Variants in EYA4 observed in about 807,000 individuals in gnomAD.
EYA4 encodes the protein protein phosphatase EYA4.
Under a neutral mutation model 87.9 loss-of-function variants are expected in EYA4, and 31 were observed. The ratio of observed to expected loss-of-function variants is 0.35; its 90% CI spans 0.27 to 0.48. The LOEUF is 0.48. Among genes scored for constraint, EYA4 ranks in the 20% least tolerant of loss-of-function variants. The pLI, the probability that EYA4 is intolerant of heterozygous loss-of-function variation, is 0.99. For synonymous variants in EYA4, 263 were observed against 270.6 expected (o/e 0.97, Z 0.28); for missense variants, 678 against 761.4 (o/e 0.89, Z 1.29).
intron 2 of EYA4, among the ~76,000 whole-genome samples, chr6:133,380,645 A>G (rs1367031080): frequency 6.6e-6 from 1 of 152,188 alleles, no homozygotes; most frequent in East Asian, 1.9e-4. Context: ...GTGATAAATC[A>G]TAGGCAAGAA....
intron 3 of EYA4, among the ~76,000 whole-genome samples, chr6:133,441,115 T>C (rs900774684): frequency 6.6e-6 from 1 of 152,164 alleles, no homozygotes; most frequent in Non-Finnish European, 1.5e-5. Context: ...CTCTTTCTCC[T>C]GTTTTTTTGA....
intron 6 of EYA4, 101 bp downstream of exon 6, chr6:133,456,749 T>A (rs1224197964): frequency 1.3e-6 from 1 of 761,416 alleles, no homozygotes; most frequent in African/African-American, 1.7e-5. Context: ...CTTAGAACTT[T>A]GATCCTTATA....
At chr6:133,390,394 G>C (rs1303330977) in intron 3 of EYA4, among the ~76,000 whole-genome samples, 1 of 152,004 alleles carries the variant, frequency 6.6e-6, no homozygotes, top group Non-Finnish European at 1.5e-5. Context: ...CCTACTTTTT[G>C]TATCTTTAGT....
At chr6:133,395,539 T>C (rs1787709968) in intron 3 of EYA4, among the ~76,000 whole-genome samples, 1 of 152,114 alleles carries the variant, frequency 6.6e-6, no homozygotes, top group Non-Finnish European at 1.5e-5. Flanking sequence ...GCAGGCAGAT[T>C]ATTTGAATTC....
chr6:133,285,478 T>C (rs1777980534), intron 2 of EYA4, among the ~76,000 whole-genome samples: 1 of 152,134 alleles, frequency 6.6e-6, no homozygotes, highest in Non-Finnish European at 1.5e-5. Flanking sequence ...GAAATAAGGC[T>C]GCAAAGGTAA....
chr6:133,466,290 A>G (rs910080084), intron 10 of EYA4, among the ~76,000 whole-genome samples: 8 of 152,192 alleles, frequency 5.3e-5, no homozygotes, highest in Non-Finnish European at 1.0e-4. Flanking sequence ...TTATTTGAAA[A>G]GAGTTAATCA....
At chr6:133,274,625 T>C in intron 1 of EYA4, 91 bp from the exon 2 acceptor site, 1 of 669,804 alleles carries the variant, frequency 1.5e-6, no homozygotes, top group Non-Finnish European at 2.7e-6. Context: ...AAGTTACTAA[T>C]TACCATGCTA....
chr6:133,377,745 G>A (rs1009322577), intron 2 of EYA4, among the ~76,000 whole-genome samples: 18 of 151,906 alleles, frequency 1.2e-4, no homozygotes, highest in African/African-American at 2.9e-4. Flanking sequence ...TTTAATGACT[G>A]ATGTATTATA....
At position 133,342,605 on chromosome 6, in the gene EYA4, A is replaced by ATATATATATATATC. The variant is rs1485897156; in HGVS notation, c.34-39787_34-39786insTATATATATATATC. Among the ~76,000 whole-genome samples the ATATATATATATATC allele has an allele frequency of 3.5e-3, 457 of 130,394 alleles. 21 individuals are homozygous for ATATATATATATATC. The highest frequency in any genetic ancestry group is 0.014 in the African/African-American group (421 of 30,498). The allele number at this position is 130,394 out of a possible 152,430, so 85.5% of individuals were successfully genotyped here. A position where few individuals can be genotyped will look rare whatever the true frequency, so the allele number is the denominator to read the frequency against. On this transcript the variant is annotated intron_variant, in intron 2 of 19. Coordinates refer to ENST00000355286, the MANE Select transcript of EYA4 (RefSeq NM_004100.5). ...TATATATATATATATATATATATATAATTCTTTATATTTCTCTGGGCTTAA... is the reference window on the plus strand; with the variant it reads ...TATATATATATATATATATATATATATATATATATATATCATTCTTTATATTTCTCTGGGCTTAA...
chr6:133,527,995 A>G (rs1039692087), intron 19 of EYA4, among the ~76,000 whole-genome samples: 1 of 152,096 alleles, frequency 6.6e-6, no homozygotes, highest in African/African-American at 2.4e-5. Flanking sequence ...TGTACTGTAT[A>G]CTATTATAGT....
chr6:133,383,497 G>A (rs576806897), intron 3 of EYA4, among the ~76,000 whole-genome samples: 18 of 104,056 alleles, frequency 1.7e-4, no homozygotes, highest in Admixed American at 4.8e-4. Flanking sequence ...CAGCCTGGGC[G>A]ACAGAGCGAG....
At chr6:133,417,924 G>T (rs1180242606) in intron 3 of EYA4, among the ~76,000 whole-genome samples, 1 of 152,184 alleles carries the variant, frequency 6.6e-6, no homozygotes, top group African/African-American at 2.4e-5. Flanking sequence ...ATTTTCTTCT[G>T]TGGTGAATTT....
rs142477509 is a variant in EYA4, at chr6:133,494,152, A to G, written c.1191+11037A>G. Among the ~76,000 whole-genome samples, 420 of 152,330 alleles carry G rather than the reference A, an allele frequency of 2.8e-3. 7 individuals are homozygous for G. Among genetic ancestry groups the G allele is most frequent in the Admixed American group, 0.026 (401 of 15,306 alleles). On this transcript the variant is annotated intron_variant, in intron 13 of 19. Coordinates refer to ENST00000355286, the MANE Select transcript of EYA4 (RefSeq NM_004100.5). ...TGTTTATTTCAGCACTTTTCACAAT[A>G]GCCAAGATTTGGAAGCTACCTAGGT...
At chr6:133,420,045 G>T (rs1790081941) in intron 3 of EYA4, among the ~76,000 whole-genome samples, 1 of 152,060 alleles carries the variant, frequency 6.6e-6, no homozygotes, top group Admixed American at 6.5e-5. Context: ...AGCCATAGAG[G>T]AAAAGCTGTA....
At chr6:133,299,969 ATC>A in intron 2 of EYA4, among the ~76,000 whole-genome samples, 1 of 150,176 alleles carries the variant, frequency 6.7e-6, no homozygotes, top group Non-Finnish European at 1.5e-5. Flanking sequence ...ATATATATAT[ATC>A]TTTTGACTAC....
chr6:133,479,939 A>G (rs958092658), intron 11 of EYA4, among the ~76,000 whole-genome samples: 1 of 152,202 alleles, frequency 6.6e-6, no homozygotes, highest in African/African-American at 2.4e-5. Context: ...TAATCATTTC[A>G]GAGTTTTAGA....
intron 13 of EYA4, among the ~76,000 whole-genome samples, chr6:133,489,798 G>T (rs1258865001): frequency 6.6e-6 from 1 of 152,124 alleles, no homozygotes; most frequent in Non-Finnish European, 1.5e-5. Context: ...ATGTTAATGA[G>T]CAGTAAGAAC....
At chr6:133,367,475 C>T (rs1242772629) in intron 2 of EYA4, among the ~76,000 whole-genome samples, 5 of 152,284 alleles carry the variant, frequency 3.3e-5, no homozygotes, top group South Asian at 4.1e-4. Context: ...AATCTTGATT[C>T]GCATATTACT....
At chr6:133,446,320 T>C (rs180684426) in intron 3 of EYA4, among the ~76,000 whole-genome samples, 2 of 152,314 alleles carry the variant, frequency 1.3e-5, no homozygotes, top group Admixed American at 1.3e-4. Flanking sequence ...ATGTCAGTGA[T>C]AACATGTTTA....
Sources: allele counts gnomAD v4.1 joint callset (sites outside exome capture counted in the v4.1 genomes callset), GRCh38; gene constraint gnomAD v4.1.1; transcripts MANE v1.5; gene names NCBI Gene and HGNC (gene_info 2026-07-23, HGNC 2026-07-21).